Variants in PEPD observed in about 807,000 individuals in gnomAD.
PEPD encodes xaa-Pro dipeptidase.
In PEPD, 53 loss-of-function variants were observed where a neutral mutation model predicts 60.7. The ratio of observed to expected loss-of-function variants is 0.87; its 90% CI spans 0.70 to 1.10. The LOEUF is 1.10. PEPD is among the 50% of genes least tolerant of loss of function. PEPD has a pLI of 0.00. For synonymous variants in PEPD, 267 were observed against 284.1 expected, an observed-to-expected ratio of 0.94 and a Z score of 0.60; for missense variants, 711 against 711.9, an observed-to-expected ratio of 1.00 and a Z score of 0.01.
chr19:33,517,349 C>T (rs1358283544), intron 1 of PEPD, among the ~76,000 whole-genome samples: 4 of 151,648 alleles, frequency 2.6e-5, no homozygotes, highest in Non-Finnish European at 4.4e-5. Context: ...CACCTGAGGT[C>T]AGGAGTTCGA....
chr19:33,519,252 C>T (rs1010110716), intron 1 of PEPD, among the ~76,000 whole-genome samples: 2 of 152,182 alleles, frequency 1.3e-5, no homozygotes, highest in African/African-American at 4.8e-5. Flanking sequence ...CCCTGAAACA[C>T]CCCACATCTT....
intron 9 of PEPD, among the ~76,000 whole-genome samples, chr19:33,435,794 CT>C (rs147264729): frequency 0.014 from 2,124 of 152,366 alleles, 28 homozygotes; most frequent in South Asian, 0.071. Context: ...CCAACCCACG[CT>C]CCCATGGCGT....
At chr19:33,440,032 G>A (rs944391699) in intron 9 of PEPD, among the ~76,000 whole-genome samples, 25 of 152,258 alleles carry the variant, frequency 1.6e-4, no homozygotes, top group African/African-American at 6.0e-4. Flanking sequence ...GTTCTTAAAT[G>A]ATTTGACACT....
intron 9 of PEPD, among the ~76,000 whole-genome samples, chr19:33,461,306 TAA>T (rs573690841): frequency 5.5e-5 from 8 of 144,628 alleles, no homozygotes; most frequent in Admixed American, 6.9e-5. Context: ...ATTTCCTGTT[TAA>T]AAAAAAAAAA....
In PEPD at chr19:33,401,862, C is replaced by G. The variant is rs121917721; in HGVS notation, c.826G>C (p.Asp276His). Residue 276 changes from aspartate (D) to histidine (H), a missense_variant, in exon 12 of 15, where the codon GAC becomes CAC. Asp to His is a moderately conservative substitution (Grantham distance 81). Coordinates refer to ENST00000244137, the MANE Select transcript of PEPD (RefSeq NM_000285.4). ...TIQNGDMCLF[D>H]MGGEYYCFAS... ...AAGCAGTAATACTCACCGCCCATGT[C>G]GAACAGGCTGCGGAGAGAGGAAGGC... is the stretch of plus-strand genomic sequence containing the variant. 5 of 1,612,962 alleles carry G rather than the reference C, an allele frequency of 3.1e-6. No homozygotes were observed. The highest frequency in any genetic ancestry group is 1.3e-5 in the African/African-American group (1 of 74,938).
intron 4 of PEPD, among the ~76,000 whole-genome samples, chr19:33,496,765 T>C (rs1257507054): frequency 6.6e-6 from 1 of 152,244 alleles, no homozygotes; most frequent in African/African-American, 2.4e-5. Context: ...CTCTGGCAGA[T>C]GGAGCTGGAT....
intron 1 of PEPD, among the ~76,000 whole-genome samples, chr19:33,518,220 G>A (rs1371876170): frequency 1.3e-5 from 2 of 152,294 alleles, no homozygotes; most frequent in African/African-American, 2.4e-5. Context: ...GCGGATAGGG[G>A]TGCCAAGCAT....
At chr19:33,443,281 C>T (rs576496143) in intron 9 of PEPD, among the ~76,000 whole-genome samples, 2 of 152,350 alleles carry the variant, frequency 1.3e-5, no homozygotes, top group African/African-American at 4.8e-5. Flanking sequence ...ACTATTCCCT[C>T]GTATGGCTAG....
At chr19:33,409,803 C>T (rs28641136) in intron 11 of PEPD, among the ~76,000 whole-genome samples, 16,522 of 152,238 alleles carry the variant, frequency 0.11, 2,041 homozygotes, top group African/African-American at 0.3. Flanking sequence ...ATTCTTTCCC[C>T]AAGTGCCTCT....
chr19:33,493,636 A>G (rs1032852962), intron 4 of PEPD, among the ~76,000 whole-genome samples: 4 of 151,496 alleles, frequency 2.6e-5, no homozygotes, highest in Admixed American at 6.6e-5. Flanking sequence ...AGCCAGCCCT[A>G]CCCACCCTCC....
intron 7 of PEPD, among the ~76,000 whole-genome samples, chr19:33,464,954 C>A (rs1969993518): frequency 6.6e-6 from 1 of 152,164 alleles, no homozygotes. Context: ...ATTCAGAGCA[C>A]CGGCCTGGGA....
intron 11 of PEPD, among the ~76,000 whole-genome samples, chr19:33,405,184 C>T (rs970180487): frequency 7.9e-5 from 12 of 152,222 alleles, no homozygotes; most frequent in African/African-American, 2.7e-4. Flanking sequence ...AGCTTTGGGC[C>T]TGGGCTACCT....
At chr19:33,389,278 C>G (rs1372408731) in intron 13 of PEPD, among the ~76,000 whole-genome samples, 1 of 152,164 alleles carries the variant, frequency 6.6e-6, no homozygotes, top group Non-Finnish European at 1.5e-5. Context: ...GTGGCCCCGG[C>G]CCCACAACAC....
chr19:33,402,995 G>A (rs1036410837), intron 11 of PEPD, among the ~76,000 whole-genome samples: 4 of 152,182 alleles, frequency 2.6e-5, no homozygotes, highest in Non-Finnish European at 5.9e-5. Context: ...GCCCTCTCTG[G>A]GCAACGGCAG....
chr19:33,464,056 C>T lies in PEPD; in HGVS notation c.555G>A (p.Val185=). The T allele has an allele frequency of 6.2e-7, 1 of 1,611,918 alleles. No homozygotes were observed. The highest frequency in any genetic ancestry group is 8.5e-7 in the Non-Finnish European group (1 of 1,178,154). ...CCTCCAGCTCCATATCCGTCTTAAA[C>T]ACTCGGCTTCAGAGACAGAAGAACA... is the stretch of plus-strand genomic sequence containing the variant. ...ILHPEIVECR[V]FKTDMELEVL... is the part of the protein sequence containing the mutation. Residue 185 remains valine (V), a synonymous_variant, in exon 8 of 15, where the codon GTG becomes GTA. Coordinates refer to ENST00000244137, the MANE Select transcript of PEPD (RefSeq NM_000285.4).
intron 1 of PEPD, among the ~76,000 whole-genome samples, chr19:33,517,593 T>G (rs985823630): frequency 7.3e-5 from 11 of 151,382 alleles, no homozygotes; most frequent in African/African-American, 2.7e-4. Flanking sequence ...AAAAAAAACC[T>G]GATGCCGAGA....
At chr19:33,400,171 AGT>A (rs1218982205) in intron 12 of PEPD, among the ~76,000 whole-genome samples, 1 of 151,930 alleles carries the variant, frequency 6.6e-6, no homozygotes, top group Non-Finnish European at 1.5e-5. Flanking sequence ...GGTGAGAGGC[AGT>A]GGGCGAGGGT....
chr19:33,400,831 G>A (rs750963694), intron 12 of PEPD, among the ~76,000 whole-genome samples: 1 of 152,322 alleles, frequency 6.6e-6, no homozygotes, highest in South Asian at 2.1e-4. Context: ...GCAGAGAGCT[G>A]GGGTTCGATC....
At chr19:33,519,705 G>C (rs1454737425) in intron 1 of PEPD, among the ~76,000 whole-genome samples, 1 of 152,170 alleles carries the variant, frequency 6.6e-6, no homozygotes, top group African/African-American at 2.4e-5. Flanking sequence ...TCTAAGACCT[G>C]CCACTCTGTT....
Sources: gnomAD v4.1 joint callset for allele counts (sites outside exome capture counted in the v4.1 genomes callset) on GRCh38, gnomAD v4.1.1 for gene constraint, MANE v1.5 for transcripts, NCBI Gene and HGNC (gene_info 2026-07-23, HGNC 2026-07-21) for gene names.